Variants in TRIO observed in about 807,000 individuals in gnomAD.
TRIO encodes trio Rho guanine nucleotide exchange factor.
TRIO carries 58 observed loss-of-function variants against 351.9 expected under a neutral mutation model. The ratio of observed to expected loss-of-function variants is 0.16; its 90% confidence interval spans 0.13 to 0.21. TRIO has a LOEUF of 0.21. TRIO is among the 10% of genes least tolerant of loss of function. The pLI is 1.00. For missense variants in TRIO, 3,201 were observed against 4,027.8 expected (o/e 0.79, Z 5.56); for synonymous variants, 1,758 against 1,595.7 (o/e 1.10, Z -2.42).
rs1374152272 is a variant in TRIO, at chr5:14,377,996, T to A, written c.3332-16T>A. On this transcript the variant is annotated splice_polypyrimidine_tract_variant and intron_variant, in intron 19 of 56. Coordinates refer to ENST00000344204, the MANE Select transcript of TRIO (RefSeq NM_007118.4). ...ATTGCAAGCACCAACATACATCATT[T>A]TCTTTTTTCTCTCAGATATCTTGAA... 5 of 1,592,940 alleles carry A rather than the reference T, an allele frequency of 3.1e-6. No homozygotes were observed. The highest frequency in any genetic ancestry group is 4.3e-6 in the Non-Finnish European group (5 of 1,166,232).
chr5:14,225,830 A>G (rs1215790955), intron 1 of TRIO, among the ~76,000 whole-genome samples: 2 of 143,190 alleles, frequency 1.4e-5, no homozygotes, highest in Non-Finnish European at 3.0e-5. Context: ...GGATGATACA[A>G]GGGGCATAAC....
intron 1 of TRIO, among the ~76,000 whole-genome samples, chr5:14,253,993 T>C (rs1027459521): frequency 2.6e-5 from 4 of 152,052 alleles, no homozygotes; most frequent in African/African-American, 9.7e-5. Context: ...TTGGAAAAAG[T>C]ATTTTATGTT....
intron 11 of TRIO, among the ~76,000 whole-genome samples, chr5:14,349,799 T>C (rs746319679): frequency 6.6e-6 from 1 of 152,246 alleles, no homozygotes; most frequent in Non-Finnish European, 1.5e-5. Flanking sequence ...CACAGGGGGT[T>C]GGTGTACAGA....
In TRIO at chr5:14,167,380, C is replaced by T. The variant is rs138621683; in HGVS notation, c.157+23498C>T. Among the ~76,000 whole-genome samples, 52 of 152,006 alleles carry T rather than the reference C, an allele frequency of 3.4e-4. No individual in the cohort carries two copies. The East Asian group carries it at 8.5e-3, about 25-fold the overall frequency. On this transcript the variant is annotated intron_variant, in intron 1 of 56. Transcript: ENST00000344204. Reference sequence around the variant, plus strand: ...TTCCATTTTTAGGACTTCTCCCCAGCGTCAAAACTTTATTTACACGAACCT... The same window carrying T: ...TTCCATTTTTAGGACTTCTCCCCAGTGTCAAAACTTTATTTACACGAACCT...
chr5:14,229,047 A>G (rs1239471172), intron 1 of TRIO, among the ~76,000 whole-genome samples: 2 of 152,320 alleles, frequency 1.3e-5, no homozygotes, highest in Middle Eastern at 3.4e-3. Context: ...GCTTATCTCA[A>G]ACATCCCTCA....
At chr5:14,395,132 G>A (rs1747449687) in intron 28 of TRIO, among the ~76,000 whole-genome samples, 1 of 152,154 alleles carries the variant, frequency 6.6e-6, no homozygotes, top group African/African-American at 2.4e-5. Context: ...TACCCTTTTT[G>A]TTAGCAAGAA....
At chr5:14,440,328 A>T (rs1225559029) in intron 34 of TRIO, among the ~76,000 whole-genome samples, 1 of 152,202 alleles carries the variant, frequency 6.6e-6, no homozygotes, top group Non-Finnish European at 1.5e-5. Context: ...TCTAGTGTGG[A>T]GGGCACCGAG....
chr5:14,359,235 C>T, intron 12 of TRIO, 122 bp from the exon 13 acceptor site: 1 of 1,217,504 alleles, frequency 8.2e-7, no homozygotes, highest in Non-Finnish European at 1.1e-6. Context: ...GTTCCATTTT[C>T]TGAGACAAGC....
Position 14,508,434 on chromosome 5 carries a change from G to T in TRIO, c.*12G>T. 6.4e-7 allele frequency: 1 copy of T among 1,571,094 alleles called. No homozygotes were observed. Among genetic ancestry groups the T allele is most frequent in the Non-Finnish European group, 8.6e-7 (1 of 1,158,434 alleles). The stretch of plus-strand genomic sequence containing the variant: ...TGCCTAGAGTTTGACCTATCCAGAA[G>T]TTCTTTCTCATTCTCTTTCACCTGC... On this transcript the variant is annotated 3_prime_UTR_variant, in exon 57 of 57. Coordinates refer to ENST00000344204, the MANE Select transcript of TRIO (RefSeq NM_007118.4).
At chr5:14,177,989 C>A (rs1037720154) in intron 1 of TRIO, among the ~76,000 whole-genome samples, 27 of 152,096 alleles carry the variant, frequency 1.8e-4, no homozygotes, top group Admixed American at 1.3e-4. Context: ...ATTTATTCAC[C>A]ATTTAATTTA....
At chr5:14,250,244 G>T (rs895571359) in intron 1 of TRIO, among the ~76,000 whole-genome samples, 6 of 152,138 alleles carry the variant, frequency 3.9e-5, no homozygotes, top group Admixed American at 2.0e-4. Flanking sequence ...CCAGCATGCC[G>T]TCACTGTCTT....
intron 8 of TRIO, among the ~76,000 whole-genome samples, chr5:14,309,668 TTGCTCTGAAGAGCTGGGGGTC>T (rs1336916134): frequency 1.3e-5 from 2 of 152,198 alleles, no homozygotes; most frequent in Admixed American, 1.3e-4. Flanking sequence ...ACTCCTGAGC[TTGCTCTGAAGAGCTGGGGGTC>T]TGCTGAGGAG....
chr5:14,262,357 G>T (rs555839617), intron 1 of TRIO, among the ~76,000 whole-genome samples: 1 of 152,196 alleles, frequency 6.6e-6, no homozygotes, highest in African/African-American at 2.4e-5. Context: ...AGGTACAGTG[G>T]TGAGGGGGAG....
intron 29 of TRIO, 121 bp downstream of exon 29, chr5:14,397,275 T>C (rs755044819): frequency 8.8e-5 from 65 of 735,994 alleles, no homozygotes; most frequent in Admixed American, 6.7e-4. Flanking sequence ...GTTAAGAACA[T>C]TTCTTAAAGA....
Position 14,465,770 on chromosome 5 carries a change from G to T in TRIO, c.5763+130G>T, listed in dbSNP as rs1036483893. ...CTGTGGCTTATGGCACATCTCAGGA[G>T]TCCCCATGACCACCCTCGGGTTCAC... On this transcript the variant is annotated intron_variant, in intron 37 of 56. Coordinates refer to ENST00000344204, the MANE Select transcript of TRIO (RefSeq NM_007118.4). 17 of 986,256 alleles carry T rather than the reference G, an allele frequency of 1.7e-5. No individual in the cohort carries two copies. The African/African-American group carries it at 2.3e-4, about 13-fold the overall frequency. 61.1% of individuals were successfully genotyped at this position (986,256 alleles called of 1,614,324 possible).
rs146653437 is a variant in TRIO at position 14,232,698 on chromosome 5, T to C, written c.158-38127T>C. Among the ~76,000 whole-genome samples the C allele has an allele frequency of 1.1e-4, 16 of 152,334 alleles. No homozygotes were observed. In the East Asian group the frequency reaches 3.1e-3, roughly 29 times the overall value. The stretch of plus-strand genomic sequence containing the variant: ...AGCGAGGTGTGTATCCTTTGAGCTA[T>C]GGATGACAAACTTAAAAAATTGCCC... On this transcript the variant is annotated intron_variant, in intron 1 of 56. Coordinates refer to ENST00000344204, the MANE Select transcript of TRIO (RefSeq NM_007118.4).
At position 14,498,199 on chromosome 5, in the gene TRIO, G is replaced by T. The variant is rs774297322; in HGVS notation, c.8158G>T (p.Gly2720Cys). Residue 2720 changes from glycine to cysteine, a missense_variant, in exon 52 of 57, where the codon GGC becomes TGC. Physicochemically the swap from Gly to Cys is radical, Grantham distance 159. Transcript: ENST00000344204. ...CCCCAAAGCCTCAATTACCTGGAAGGGCCCTGAACACAACACCTTGAACAA... is the reference window on the plus strand; with the variant it reads ...CCCCAAAGCCTCAATTACCTGGAAGTGCCCTGAACACAACACCTTGAACAA... ...GRPKASITWKGPEHNTLNNDG... is the reference protein window; with the variant it reads ...GRPKASITWKCPEHNTLNNDG... 2.5e-6 allele frequency: 4 copies of T among 1,614,202 alleles called. No individual in the cohort carries two copies. Among genetic ancestry groups the T allele is most frequent in the Non-Finnish European group, 3.4e-6 (4 of 1,180,046 alleles).
intron 9 of TRIO, among the ~76,000 whole-genome samples, 163 bp downstream of exon 9, chr5:14,316,906 G>A (rs1179145915): frequency 3.9e-5 from 6 of 152,234 alleles, no homozygotes; most frequent in Middle Eastern, 3.2e-3. Context: ...TTAGGAACGC[G>A]TGTTCAGGCT....
At chr5:14,176,557 A>G (rs1360031880) in intron 1 of TRIO, among the ~76,000 whole-genome samples, 1 of 152,062 alleles carries the variant, frequency 6.6e-6, no homozygotes, top group Admixed American at 6.5e-5. Context: ...GGGCTCAGGC[A>G]GTCCTCCTAC....
Sources: gnomAD v4.1 joint callset for allele counts (sites outside exome capture counted in the v4.1 genomes callset) on GRCh38, gnomAD v4.1.1 for gene constraint, MANE v1.5 for transcripts, NCBI Gene and HGNC (gene_info 2026-07-23, HGNC 2026-07-21) for gene names.